RIOK2: variants seen among roughly 807,000 people sequenced by gnomAD.
RIOK2 encodes serine/threonine-protein kinase RIO2.
A neutral mutation model predicts 62.4 loss-of-function variants in RIOK2; 46 were observed. The ratio of observed to expected loss-of-function variants is 0.74; its 90% CI spans 0.58 to 0.94. The LOEUF (loss-of-function observed/expected upper bound fraction) is 0.94. Ranked by LOEUF, RIOK2 falls within the 40% of genes least tolerant of loss-of-function variation. RIOK2 has a pLI of 0.00. For synonymous variants in RIOK2, 197 were observed against 216.0 expected (o/e 0.91, Z 0.77); for missense variants, 574 against 658.0 (o/e 0.87, Z 1.40).
chr5:97,169,847 A>C (rs1283221502), intron 6 of RIOK2, among the ~76,000 whole-genome samples: 1 of 152,170 alleles, frequency 6.6e-6, no homozygotes, highest in East Asian at 1.9e-4. Flanking sequence ...GAATGTCATA[A>C]TCTGTCACAC....
At chr5:97,170,031 T>G (rs1748955293) in intron 6 of RIOK2, among the ~76,000 whole-genome samples, 1 of 152,228 alleles carries the variant, frequency 6.6e-6, no homozygotes, top group Non-Finnish European at 1.5e-5. Flanking sequence ...CATTTCTTTC[T>G]GTAGCATAAG....
In RIOK2 at chr5:97,161,081, G is replaced by A. The variant is rs1399134957; in HGVS notation, c.*1980C>T. ...GTACTAACCATACAGTATATGTCAG[G>A]CACTGTAATAAACTCTTTACAAGTG... is the stretch of plus-strand genomic sequence containing the variant. On this transcript the variant is annotated 3_prime_UTR_variant, in exon 10 of 10. Transcript: ENST00000283109. 1 of 152,074 alleles carries A rather than the reference G, an allele frequency of 6.6e-6. No individual in the cohort carries two copies. Among genetic ancestry groups the A allele is most frequent in the Non-Finnish European group, 1.5e-5 (1 of 68,018 alleles). The allele number at this position is 152,074 out of a possible 1,614,324, so 9.4% of individuals were successfully genotyped here. A position where few individuals can be genotyped will look rare whatever the true frequency, so the allele number is the denominator to read the frequency against.
chr5:97,182,451 A>G (rs957907228), intron 1 of RIOK2, among the ~76,000 whole-genome samples: 1 of 152,140 alleles, frequency 6.6e-6, no homozygotes, highest in South Asian at 2.1e-4. Context: ...TCTCTTTCTC[A>G]CACAGCTCCT....
Position 97,167,817 on chromosome 5 carries a change from C to A in RIOK2, c.1047G>T (p.Gly349=). The A allele has an allele frequency of 6.2e-7, 1 of 1,614,154 alleles. No individual in the cohort carries two copies. The highest frequency in any genetic ancestry group is 2.2e-5 in the East Asian group (1 of 44,882). Residue 349 remains glycine (G), a synonymous_variant, in exon 8 of 10, where the codon GGG becomes GGT. Coordinates refer to ENST00000283109, the MANE Select transcript of RIOK2 (RefSeq NM_018343.3). ...GEVAEKAEVY[G]SENESERNCL... is the part of the protein sequence containing the mutation. ...AGTTCCGTTCACTTTCATTTTCTGACCCGTAAACCTCTGCTTTTTCTGCCA... is the reference window on the plus strand; with the variant it reads ...AGTTCCGTTCACTTTCATTTTCTGAACCGTAAACCTCTGCTTTTTCTGCCA...
At chr5:97,174,128 T>C (rs1338841076) in intron 4 of RIOK2, among the ~76,000 whole-genome samples, 2 of 152,152 alleles carry the variant, frequency 1.3e-5, no homozygotes, top group Admixed American at 6.5e-5. Flanking sequence ...TTTAAAAATA[T>C]ATACATTGGG....
rs890832950 is a variant in RIOK2, at chr5:97,162,914, A to G, written c.*147T>C. 3.0e-6 allele frequency: 2 copies of G among 656,858 alleles called. No individual in the cohort carries two copies. The highest frequency in any genetic ancestry group is 3.3e-5 in the Admixed American group (1 of 30,738). 40.7% of individuals were successfully genotyped at this position (656,858 alleles called of 1,614,324 possible). On this transcript the variant is annotated 3_prime_UTR_variant, in exon 10 of 10. Transcript: ENST00000283109. The stretch of plus-strand genomic sequence containing the variant: ...GGCAGGTAATTATTCTTTGCAAGAC[A>G]CATACTGAATGACCAAATTTATAGA...
intron 6 of RIOK2, among the ~76,000 whole-genome samples, chr5:97,169,916 A>G (rs1478927809): frequency 6.6e-6 from 1 of 152,242 alleles, no homozygotes. Flanking sequence ...ATTAATAAAA[A>G]TCATGATTAG....
chr5:97,180,542 C>T (rs1749377983), intron 1 of RIOK2, among the ~76,000 whole-genome samples: 2 of 151,988 alleles, frequency 1.3e-5, no homozygotes, highest in South Asian at 4.1e-4. Flanking sequence ...AAATGTAGAC[C>T]AAATACTTTT....
chr5:97,182,462 A>G (rs989778034), intron 1 of RIOK2, among the ~76,000 whole-genome samples: 1 of 152,180 alleles, frequency 6.6e-6, no homozygotes, highest in Non-Finnish European at 1.5e-5. Context: ...CACAGCTCCT[A>G]TTATTCCCCC....
rs1386079809 is a variant in RIOK2, at chr5:97,175,088, A to AAATG, written c.499-1826_499-1825insCATT. 3.9e-5 allele frequency among the ~76,000 whole-genome samples: 6 copies of AAATG among 151,910 alleles called. 1 individual carries two copies. The South Asian group carries it at 1.0e-3, about 26-fold the overall frequency. ...TAAATAAATAAATAAATAAATAAATAAAAGGTTCTGTTTCATGTGTTATCT... is the reference window on the plus strand; with the variant it reads ...TAAATAAATAAATAAATAAATAAATAAATGAAAGGTTCTGTTTCATGTGTTATCT... On this transcript the variant is annotated intron_variant, in intron 4 of 9. Coordinates refer to ENST00000283109, the MANE Select transcript of RIOK2 (RefSeq NM_018343.3).
At chr5:97,177,365 T>G in intron 3 of RIOK2, 74 bp from the exon 4 acceptor site, 26 of 1,306,084 alleles carry the variant, frequency 2.0e-5, no homozygotes, top group Non-Finnish European at 2.5e-5. Flanking sequence ...TAACTTTCTC[T>G]AATTTTATTT....
chr5:97,179,979 TATATATATATAAAATATATATATATTA>T (rs1749298825), intron 1 of RIOK2, among the ~76,000 whole-genome samples: 7 of 31,180 alleles, frequency 2.2e-4, no homozygotes, highest in Non-Finnish European at 3.8e-4. Context: ...ATATATATAA[TATATATATATAAAATATATATATATTA>T]TATATATATA....
intron 7 of RIOK2, 62 bp downstream of exon 7, chr5:97,168,698 T>C: frequency 9.7e-7 from 1 of 1,029,478 alleles, no homozygotes; most frequent in Non-Finnish European, 1.4e-6. Context: ...TGTTAATTTT[T>C]AGAAATACAC....
intron 9 of RIOK2, among the ~76,000 whole-genome samples, chr5:97,163,983 C>A (rs1182525259): frequency 6.6e-6 from 1 of 152,004 alleles, no homozygotes; most frequent in Non-Finnish European, 1.5e-5. Context: ...GCTGCAACCT[C>A]CTGGGCTTGA....
At chr5:97,163,893 G>A (rs1748769834) in intron 9 of RIOK2, among the ~76,000 whole-genome samples, 1 of 151,904 alleles carries the variant, frequency 6.6e-6, no homozygotes, top group African/African-American at 2.4e-5. Context: ...CAGGAACAAG[G>A]GTCTTCTTTT....
Position 97,177,854 on chromosome 5 carries a change from C to T in RIOK2, c.206-6G>A. 6.4e-7 allele frequency: 1 copy of T among 1,572,414 alleles called. No homozygotes were observed. Among genetic ancestry groups the T allele is most frequent in the Non-Finnish European group, 8.7e-7 (1 of 1,145,926 alleles). On this transcript the variant is annotated splice_polypyrimidine_tract_variant and splice_region_variant and intron_variant, in intron 2 of 9. Coordinates refer to ENST00000283109, the MANE Select transcript of RIOK2 (RefSeq NM_018343.3). ...CAACCGATAGCCCTGGACAGCTAGA[C>T]AAAAATCAAAGCATAAAGACCATAT...
At chr5:97,167,059 A>C (rs2112827149) in intron 8 of RIOK2, 1 of 444,870 alleles carries the variant, frequency 2.2e-6, no homozygotes, top group African/African-American at 2.1e-5. Context: ...TGGGATTACA[A>C]GCACAGGCCA....
chr5:97,167,117 A>T, intron 8 of RIOK2: 1 of 740,668 alleles, frequency 1.4e-6, no homozygotes, highest in African/African-American at 1.9e-5. Flanking sequence ...GGGTTTTGCC[A>T]TGTTGGCCTG....
chr5:97,178,871 C>T, intron 2 of RIOK2, 184 bp downstream of exon 2: 1 of 680,820 alleles, frequency 1.5e-6, no homozygotes, highest in South Asian at 1.7e-5. Flanking sequence ...CTTTTTTCAC[C>T]TCCTTTGATC....
Sources: allele counts gnomAD v4.1 joint callset (sites outside exome capture counted in the v4.1 genomes callset), GRCh38; gene constraint gnomAD v4.1.1; transcripts MANE v1.5; gene names NCBI Gene and HGNC (gene_info 2026-07-23, HGNC 2026-07-21).